Variants in DCLK1 observed in about 807,000 individuals in gnomAD.
DCLK1 encodes the protein doublecortin like kinase 1, also known as serine/threonine-protein kinase DCLK1.
Under a neutral mutation model 86.2 loss-of-function variants are expected in DCLK1, and 16 were observed. The ratio of observed to expected loss-of-function variants is 0.19; its 90% confidence interval spans 0.13 to 0.28. DCLK1 has a LOEUF of 0.28. Ranked by LOEUF, DCLK1 falls within the 10% of genes least tolerant of loss-of-function variation. The probability of loss-of-function intolerance (pLI) is 1.00; values close to 1 mark genes in which losing one functional copy is unlikely to be tolerated. For missense variants in DCLK1, 590 were observed against 940.2 expected (o/e 0.63, Z 4.87); for synonymous variants, 369 against 370.5 (o/e 1.00, Z 0.05).
intron 4 of DCLK1, among the ~76,000 whole-genome samples, chr13:35,936,103 A>G (rs1876735584): frequency 1.3e-5 from 2 of 152,340 alleles, no homozygotes; most frequent in Admixed American, 1.3e-4. Context: ...GGGACAGGCA[A>G]AAGACCAAGA....
At chr13:35,847,328 T>A in intron 6 of DCLK1, 2 of 985,018 alleles carry the variant, frequency 2.0e-6, no homozygotes, top group Non-Finnish European at 2.4e-6. Flanking sequence ...TACATGAAGA[T>A]TTTATGTATA....
intron 3 of DCLK1, among the ~76,000 whole-genome samples, chr13:35,959,162 C>A (rs553727572): frequency 6.6e-6 from 1 of 152,238 alleles, no homozygotes; most frequent in South Asian, 2.1e-4. Context: ...AATATTTCCT[C>A]TTTGTCTTCA....
intron 15 of DCLK1, among the ~76,000 whole-genome samples, chr13:35,803,742 G>C (rs558562507): frequency 6.6e-6 from 1 of 152,064 alleles, no homozygotes; most frequent in Non-Finnish European, 1.5e-5. Flanking sequence ...CAAATCACTC[G>C]ACTACTCACC....
At chr13:35,919,050 C>T (rs138541077) in intron 4 of DCLK1, among the ~76,000 whole-genome samples, 5 of 151,794 alleles carry the variant, frequency 3.3e-5, no homozygotes, top group South Asian at 2.1e-4. Flanking sequence ...TACAGGCATG[C>T]GCCACCATGC....
At chr13:36,067,229 T>C (rs2153160540) in intron 3 of DCLK1, among the ~76,000 whole-genome samples, 1 of 136,780 alleles carries the variant, frequency 7.3e-6, no homozygotes, top group South Asian at 2.6e-4. Context: ...TATGCAGCCA[T>C]AAAAAATGAT....
chr13:35,890,418 G>A (rs1029850958), intron 4 of DCLK1, among the ~76,000 whole-genome samples: 1 of 152,026 alleles, frequency 6.6e-6, no homozygotes, highest in Non-Finnish European at 1.5e-5. Context: ...ATTTAGGTTG[G>A]CCTAATTCTT....
intron 11 of DCLK1, among the ~76,000 whole-genome samples, chr13:35,821,653 G>GATATATATATAAATATATGTATATAT (rs1026152138): frequency 1.5e-5 from 2 of 130,110 alleles, no homozygotes; most frequent in Non-Finnish European, 3.1e-5. Context: ...TTTGGGAAAA[G>GATATATATATAAATATATGTATATAT]ATATATATAT....
At chr13:35,950,875 A>C (rs1331538760) in intron 3 of DCLK1, among the ~76,000 whole-genome samples, 2 of 151,844 alleles carry the variant, frequency 1.3e-5, no homozygotes, top group African/African-American at 2.4e-5. Flanking sequence ...CCCTGCAATA[A>C]CTTTCAAACC....
intron 3 of DCLK1, among the ~76,000 whole-genome samples, chr13:36,098,891 T>C (rs1885102087): frequency 6.6e-6 from 1 of 152,168 alleles, no homozygotes. Context: ...GCCACAAGCT[T>C]AGAGTACAGG....
At chr13:35,975,200 C>T (rs1323759183) in intron 3 of DCLK1, among the ~76,000 whole-genome samples, 1 of 152,230 alleles carries the variant, frequency 6.6e-6, no homozygotes, top group Non-Finnish European at 1.5e-5. Flanking sequence ...CAGGTGCAGC[C>T]TGTGGTGTGG....
intron 4 of DCLK1, among the ~76,000 whole-genome samples, chr13:35,912,955 G>A (rs1176867988): frequency 1.3e-5 from 2 of 152,232 alleles, no homozygotes; most frequent in Admixed American, 6.5e-5. Flanking sequence ...GGCGCCCAGA[G>A]TAGCTGGCCG....
chr13:35,855,870 G>A, intron 5 of DCLK1: 2 of 1,126,970 alleles, frequency 1.8e-6, no homozygotes, highest in Non-Finnish European at 1.1e-6. Flanking sequence ...GTGGCCCTGG[G>A]GGCAAGAGAT....
chr13:35,847,184 T>G (rs1870242978), intron 6 of DCLK1: 1 of 971,780 alleles, frequency 1.0e-6, no homozygotes, highest in Non-Finnish European at 1.2e-6. Context: ...AACACAATAT[T>G]GGATTTAGCT....
At position 36,113,217 on chromosome 13, in the gene DCLK1, T is replaced by A. The variant is rs1194483019; in HGVS notation, c.377-1002A>T. The stretch of plus-strand genomic sequence containing the variant: ...TTTTATCTAAGTCCTTGTATTATTT[T>A]TAAATTCACAGTGCAAGCATCCAAG... On this transcript the variant is annotated intron_variant, in intron 2 of 16. Coordinates refer to ENST00000360631, the MANE Select transcript of DCLK1 (RefSeq NM_001330071.2). 2.0e-5 allele frequency among the ~76,000 whole-genome samples: 3 copies of A among 152,332 alleles called. No individual in the cohort carries two copies. The East Asian group carries it at 5.8e-4, about 29-fold the overall frequency.
chr13:35,911,120 A>G (rs1874998861), intron 4 of DCLK1, among the ~76,000 whole-genome samples: 2 of 66,524 alleles, frequency 3.0e-5, no homozygotes, highest in Admixed American at 5.0e-4. Flanking sequence ...CATCTCTACT[A>G]AAAATACAAA....
chr13:35,902,619 A>G (rs919223860), intron 4 of DCLK1, among the ~76,000 whole-genome samples: 2 of 152,198 alleles, frequency 1.3e-5, no homozygotes, highest in African/African-American at 4.8e-5. Flanking sequence ...ACACTAATTA[A>G]CAGAATAATG....
At chr13:35,797,302 C>G (rs1362999594) in intron 15 of DCLK1, among the ~76,000 whole-genome samples, 1 of 152,190 alleles carries the variant, frequency 6.6e-6, no homozygotes, top group Non-Finnish European at 1.5e-5. Flanking sequence ...CCATTGGCAT[C>G]TTTTCAGAAA....
chr13:36,084,693 A>G (rs982215266), intron 3 of DCLK1, among the ~76,000 whole-genome samples: 7 of 152,204 alleles, frequency 4.6e-5, no homozygotes, highest in African/African-American at 1.2e-4. Flanking sequence ...TAGAAAGACT[A>G]CCAACAAGGG....
intron 15 of DCLK1, among the ~76,000 whole-genome samples, chr13:35,795,940 A>G (rs2086800302): frequency 6.6e-6 from 1 of 151,650 alleles, no homozygotes; most frequent in Admixed American, 6.6e-5. Flanking sequence ...AAAAAAAAAA[A>G]AAAACCAACA....
Sources: allele counts gnomAD v4.1 joint callset (sites outside exome capture counted in the v4.1 genomes callset), GRCh38; gene constraint gnomAD v4.1.1; transcripts MANE v1.5; gene names NCBI Gene and HGNC (gene_info 2026-07-23, HGNC 2026-07-21).